PRRG1: variants seen among roughly 807,000 people sequenced by gnomAD.
PRRG1 encodes transmembrane gamma-carboxyglutamic acid protein 1.
In PRRG1, 5 loss-of-function variants were observed where a neutral mutation model predicts 11.8. The observed-to-expected ratio is 0.42, with a 90% CI of 0.22 to 0.89. The LOEUF is 0.89. PRRG1 is among the 40% of genes least tolerant of loss of function. PRRG1 has a pLI of 0.28. For missense variants in PRRG1, 155 were observed against 166.1 expected (o/e 0.93, Z 0.37); for synonymous variants, 66 against 60.4 (o/e 1.09, Z -0.43).
chrX:37,356,666 C>A, intron 1 of PRRG1, among the ~76,000 whole-genome samples: 1 of 110,820 alleles, frequency 9.0e-6, no homozygotes. Flanking sequence ...TATGGGTAAA[C>A]AGGAAACTCT....
chrX:37,424,821 G>T (rs1298713906), intron 2 of PRRG1, among the ~76,000 whole-genome samples: 2 of 111,264 alleles, frequency 1.8e-5, no homozygotes, highest in Non-Finnish European at 3.8e-5. Flanking sequence ...TTAATCCATT[G>T]CTGGCTGTCA....
At chrX:37,451,123 G>A (rs1395948085) in intron 3 of PRRG1, among the ~76,000 whole-genome samples, 1 of 111,671 alleles carries the variant, frequency 9.0e-6, no homozygotes, top group Non-Finnish European at 1.9e-5. Context: ...GTTTCAAGCA[G>A]TTCTCCTGCC....
At chrX:37,427,890 A>G (rs1350956536) in intron 3 of PRRG1, among the ~76,000 whole-genome samples, 4 of 112,133 alleles carry the variant, frequency 3.6e-5, no homozygotes, top group African/African-American at 1.3e-4. Flanking sequence ...AAAAGGATTA[A>G]TTGGACTTAC....
In PRRG1 at chrX:37,453,574, T is replaced by A; in HGVS notation, c.610T>A (p.Ser204Thr). ...GTATGAGGACATAGTCAACTCCAAC[T>A]CAGCCAGTGCCATTCCTATGGTGCC... ...PEYEDIVNSNSASAIPMVPVV... is the reference protein window; with the variant it reads ...PEYEDIVNSNTASAIPMVPVV... Residue 204 changes from serine to threonine, a missense_variant, in exon 4 of 4, where the codon TCA becomes ACA. Transcript: ENST00000378628. The A allele has an allele frequency of 8.3e-7, 1 of 1,205,942 alleles. No homozygotes were observed. Among genetic ancestry groups the A allele is most frequent in the Non-Finnish European group, 1.1e-6 (1 of 892,026 alleles).
rs1292082242 is a variant in PRRG1 at position 37,401,114 on chromosome X, A to T, written c.-41-5095A>T. On this transcript the variant is annotated intron_variant, in intron 1 of 3. Coordinates refer to ENST00000378628, the MANE Select transcript of PRRG1 (RefSeq NM_001142395.2). Reference sequence around the variant, plus strand: ...ATTCCAATCAATAGAAAAAGAGGGAATCCTCCCTAACTTATTTTATGAGGC... The same window carrying T: ...ATTCCAATCAATAGAAAAAGAGGGATTCCTCCCTAACTTATTTTATGAGGC... Among the ~76,000 whole-genome samples the T allele has an allele frequency of 2.7e-5, 3 of 110,709 alleles. No homozygotes were observed. In the Admixed American group the frequency reaches 2.9e-4, roughly 11 times the overall value.
chrX:37,402,316 C>G (rs1556380605), intron 1 of PRRG1, among the ~76,000 whole-genome samples: 2 of 111,258 alleles, frequency 1.8e-5, no homozygotes, highest in African/African-American at 6.6e-5. Context: ...GAACAGAGCC[C>G]TCAGAAATAA....
intron 1 of PRRG1, among the ~76,000 whole-genome samples, chrX:37,351,436 C>A (rs1325318315): frequency 1.2e-4 from 13 of 107,783 alleles, no homozygotes; most frequent in Non-Finnish European, 2.5e-4. Context: ...CGGAGCTTGC[C>A]TTGAGCTGAG....
chrX:37,426,819 C>T (rs978542241), intron 3 of PRRG1, among the ~76,000 whole-genome samples: 1 of 112,019 alleles, frequency 8.9e-6, no homozygotes. Flanking sequence ...CCCTTTGCAT[C>T]CGCTTAGTCA....
At chrX:37,395,836 T>C (rs1931696461) in intron 1 of PRRG1, among the ~76,000 whole-genome samples, 1 of 111,597 alleles carries the variant, frequency 9.0e-6, no homozygotes. Flanking sequence ...AGATAAGTAA[T>C]ATATAAAAGA....
At chrX:37,392,536 AAT>A (rs1931575354) in intron 1 of PRRG1, among the ~76,000 whole-genome samples, 2 of 107,487 alleles carry the variant, frequency 1.9e-5, no homozygotes, top group African/African-American at 6.8e-5. Context: ...AAAAAAAAAA[AAT>A]AATAAAATTA....
chrX:37,414,442 A>G (rs1602016283), intron 2 of PRRG1, among the ~76,000 whole-genome samples: 1 of 112,040 alleles, frequency 8.9e-6, no homozygotes, highest in East Asian at 2.8e-4. Flanking sequence ...CACTTAACCT[A>G]TAGATTTCAG....
intron 3 of PRRG1, among the ~76,000 whole-genome samples, chrX:37,450,992 T>G (rs187937024): frequency 1.3e-4 from 14 of 106,500 alleles, no homozygotes; most frequent in African/African-American, 5.0e-4. Context: ...ATTTTTGCTG[T>G]TTTTGTTTTG....
At chrX:37,444,484 G>A (rs1307989263) in intron 3 of PRRG1, among the ~76,000 whole-genome samples, 2 of 111,556 alleles carry the variant, frequency 1.8e-5, no homozygotes, top group African/African-American at 6.5e-5. Flanking sequence ...ATAAAATAGA[G>A]ATCACAAAAG....
intron 1 of PRRG1, among the ~76,000 whole-genome samples, chrX:37,363,864 A>G (rs1930487695): frequency 9.0e-6 from 1 of 111,560 alleles, no homozygotes; most frequent in Non-Finnish European, 1.9e-5. Context: ...CATTCTTCAC[A>G]CTGAAAATTC....
At chrX:37,438,890 G>A (rs1556392753) in intron 3 of PRRG1, among the ~76,000 whole-genome samples, 2 of 111,859 alleles carry the variant, frequency 1.8e-5, no homozygotes, top group Non-Finnish European at 3.8e-5. Flanking sequence ...TTGTTATAGT[G>A]GGTATCTGCT....
intron 1 of PRRG1, among the ~76,000 whole-genome samples, chrX:37,385,609 C>G (rs1260743555): frequency 9.0e-6 from 1 of 110,857 alleles, no homozygotes; most frequent in African/African-American, 3.3e-5. Context: ...CATTTGTTAT[C>G]TCACACAGTT....
At chrX:37,385,320 A>T (rs1931290608) in intron 1 of PRRG1, among the ~76,000 whole-genome samples, 1 of 110,803 alleles carries the variant, frequency 9.0e-6, no homozygotes, top group Admixed American at 9.6e-5. Flanking sequence ...CCTTATTAGG[A>T]ATTAGTAACT....
rs782063945 is a variant in PRRG1 at position 37,406,218 on chromosome X, A to AT, written c.-31dup. 8.3e-7 allele frequency: 1 copy of AT among 1,210,608 alleles called. No homozygotes were observed. Among genetic ancestry groups the AT allele is most frequent in the Non-Finnish European group, 1.1e-6 (1 of 894,721 alleles). ...GCTCTGTTTTGTACAGGGAATCATC[A>AT]TCCAGGGACGTGCCAGAAACCACAA... On this transcript the variant is annotated 5_prime_UTR_variant, in exon 2 of 4. Transcript: ENST00000378628.
At chrX:37,381,362 A>G (rs1256231790) in intron 1 of PRRG1, among the ~76,000 whole-genome samples, 1 of 112,180 alleles carries the variant, frequency 8.9e-6, no homozygotes, top group Non-Finnish European at 1.9e-5. Flanking sequence ...ATGGCATTAA[A>G]TGTGTTATTG....
Sources: allele counts gnomAD v4.1 joint callset (sites outside exome capture counted in the v4.1 genomes callset), GRCh38; gene constraint gnomAD v4.1.1; transcripts MANE v1.5; gene names NCBI Gene and HGNC (gene_info 2026-07-23, HGNC 2026-07-21).